PLEKHA7: variants seen among roughly 807,000 people sequenced by gnomAD.
PLEKHA7 encodes the protein pleckstrin homology domain containing A7, also known as pleckstrin homology domain-containing family A member 7.
PLEKHA7 carries 104 observed loss-of-function variants against 170.0 expected under a neutral mutation model. That is an observed-to-expected ratio of 0.61 (90% CI 0.52 to 0.72). PLEKHA7 has a LOEUF of 0.72. PLEKHA7 is among the 30% of genes least tolerant of loss of function. PLEKHA7 has a pLI of 0.00. For synonymous variants in PLEKHA7, 648 were observed against 660.8 expected (o/e 0.98, Z 0.30); for missense variants, 1,615 against 1,671.7 (o/e 0.97, Z 0.59).
In PLEKHA7 at chr11:16,851,237, G is replaced by C. The variant is rs148130656; in HGVS notation, c.650C>G (p.Ser217Cys). The C allele has an allele frequency of 1.9e-5, 30 of 1,611,944 alleles. No individual in the cohort carries two copies. The highest frequency in any genetic ancestry group is 1.6e-4 in the Middle Eastern group (1 of 6,084). ...TATGCGATCCTCAGGGGCCACAGGA[G>C]AGATCACGTAGCTGGGCAAGGGGAT... ...GSIPLPSYVISPVAPEDRISR... is the reference protein window; with the variant it reads ...GSIPLPSYVICPVAPEDRISR... The change falls in exon 8 of 27, where the codon TCT becomes TGT. Residue 217 changes from serine (S) to cysteine (C), a missense_variant. Ser to Cys is a moderately radical substitution (Grantham distance 112). Coordinates refer to ENST00000531066, the MANE Select transcript of PLEKHA7 (RefSeq NM_001329630.2).
chr11:16,852,266 G>A lies in PLEKHA7; in HGVS notation c.595+17C>T. 6.2e-7 allele frequency: 1 copy of A among 1,612,470 alleles called. No homozygotes were observed. Among genetic ancestry groups the A allele is most frequent in the East Asian group, 2.2e-5 (1 of 44,858 alleles). Reference sequence around the variant, plus strand: ...ACTGAACACTTCGGCAGGGTAATAGGCTACTTGTTAGCTCACCTTTATAGT... The same window carrying A: ...ACTGAACACTTCGGCAGGGTAATAGACTACTTGTTAGCTCACCTTTATAGT... On this transcript the variant is annotated intron_variant, in intron 7 of 26. Coordinates refer to ENST00000531066, the MANE Select transcript of PLEKHA7 (RefSeq NM_001329630.2).
At chr11:17,008,632 C>G (rs1441732309) in intron 3 of PLEKHA7, among the ~76,000 whole-genome samples, 3 of 152,204 alleles carry the variant, frequency 2.0e-5, no homozygotes, top group Non-Finnish European at 4.4e-5. Context: ...TCAAGAGATG[C>G]CAAGTGCCTA....
chr11:16,824,144 G>A (rs112108208), intron 10 of PLEKHA7, among the ~76,000 whole-genome samples: 2 of 152,216 alleles, frequency 1.3e-5, no homozygotes, highest in Admixed American at 1.3e-4. Flanking sequence ...GATGCTTAAT[G>A]GGTACAAAAA....
intron 3 of PLEKHA7, among the ~76,000 whole-genome samples, chr11:16,894,437 G>T (rs1856870180): frequency 6.6e-6 from 1 of 152,164 alleles, no homozygotes; most frequent in South Asian, 2.1e-4. Flanking sequence ...GTGCCCAAAT[G>T]GAATATCCCA....
At chr11:16,858,440 T>C (rs1292478508) in intron 4 of PLEKHA7, among the ~76,000 whole-genome samples, 3 of 152,032 alleles carry the variant, frequency 2.0e-5, no homozygotes, top group Non-Finnish European at 2.9e-5. Flanking sequence ...GGCCAGGAAA[T>C]CCAGGACAAA....
intron 13 of PLEKHA7, among the ~76,000 whole-genome samples, chr11:16,805,627 T>C (rs1431744204): frequency 6.6e-6 from 1 of 151,464 alleles, no homozygotes; most frequent in Admixed American, 6.6e-5. Context: ...CCATCTCTAC[T>C]AAAAATACAA....
At position 16,789,371 on chromosome 11, in the gene PLEKHA7, C is replaced by A; in HGVS notation, c.3157-75G>T. The stretch of plus-strand genomic sequence containing the variant: ...ACGCAGAGGACAGCCACCCTGCTGG[C>A]TGCATTCCCGTTGTCTCTCTCTCAC... On this transcript the variant is annotated intron_variant, in intron 22 of 26. Transcript: ENST00000531066. This position sits in a 1 kb window ranked among gnomAD's most constrained non-coding sequence, Gnocchi z 4.6. 1 of 1,411,222 alleles carries A rather than the reference C, an allele frequency of 7.1e-7. No individual in the cohort carries two copies. The allele number at this position is 1,411,222 out of a possible 1,614,324, so 87.4% of individuals were successfully genotyped here.
intron 3 of PLEKHA7, among the ~76,000 whole-genome samples, chr11:16,896,304 T>C (rs114895239): frequency 0.016 from 2,370 of 152,328 alleles, 61 homozygotes; most frequent in African/African-American, 0.054. Context: ...CTTGGAAGAA[T>C]GGCTGTGACA....
chr11:16,898,351 T>A (rs1184073704), intron 3 of PLEKHA7, among the ~76,000 whole-genome samples: 1 of 152,246 alleles, frequency 6.6e-6, no homozygotes, highest in African/African-American at 2.4e-5. Flanking sequence ...TATATTTTCA[T>A]AAAGTATTTT....
chr11:16,792,254 T>C (rs1297550118), intron 19 of PLEKHA7, among the ~76,000 whole-genome samples: 1 of 152,354 alleles, frequency 6.6e-6, no homozygotes, highest in South Asian at 2.1e-4. Flanking sequence ...TTGAATGGAA[T>C]GTCTGGAGGC....
At chr11:16,822,066 C>T (rs1380584996) in intron 10 of PLEKHA7, among the ~76,000 whole-genome samples, 1 of 152,128 alleles carries the variant, frequency 6.6e-6, no homozygotes, top group African/African-American at 2.4e-5. Flanking sequence ...CTGTTAACTT[C>T]TCATCCTTTA....
intron 3 of PLEKHA7, among the ~76,000 whole-genome samples, chr11:16,935,642 G>T (rs906294004): frequency 1.3e-5 from 2 of 152,202 alleles, no homozygotes; most frequent in African/African-American, 4.8e-5. Flanking sequence ...GGGGGCCAAA[G>T]ATAGAACTGA....
chr11:16,936,165 G>T (rs1043719160), intron 3 of PLEKHA7, among the ~76,000 whole-genome samples: 1 of 151,982 alleles, frequency 6.6e-6, no homozygotes, highest in Non-Finnish European at 1.5e-5. Flanking sequence ...ACCTTGGGAG[G>T]CCGAGGTGGG....
At chr11:16,932,777 T>A (rs1265428981) in intron 3 of PLEKHA7, among the ~76,000 whole-genome samples, 1 of 152,176 alleles carries the variant, frequency 6.6e-6, no homozygotes, top group East Asian at 1.9e-4. Flanking sequence ...ATGTATCAGG[T>A]AAGACCTCGC....
At chr11:16,940,259 A>G (rs951039294) in intron 3 of PLEKHA7, among the ~76,000 whole-genome samples, 1 of 149,206 alleles carries the variant, frequency 6.7e-6, no homozygotes, top group Non-Finnish European at 1.5e-5. Context: ...GAAGAGAAGT[A>G]TCTCAGATCT....
At chr11:16,874,775 G>A (rs527776151) in intron 3 of PLEKHA7, among the ~76,000 whole-genome samples, 51 of 152,262 alleles carry the variant, frequency 3.3e-4, no homozygotes, top group Non-Finnish European at 1.2e-4. Flanking sequence ...GCACTCAGTA[G>A]TCCCCAAACA....
At chr11:16,978,855 T>C (rs1470296415) in intron 3 of PLEKHA7, among the ~76,000 whole-genome samples, 3 of 152,172 alleles carry the variant, frequency 2.0e-5, no homozygotes, top group Non-Finnish European at 4.4e-5. Flanking sequence ...AGCATATACA[T>C]ATAAACACAC....
Position 16,919,964 on chromosome 11 carries a change from A to G in PLEKHA7, c.222-48782T>C, listed in dbSNP as rs1858968519. Reference sequence around the variant, plus strand: ...TACCAGCCGTTTTTCATAACAGAGGACACTTACTTTTGTAATGGGACAACC... The same window carrying G: ...TACCAGCCGTTTTTCATAACAGAGGGCACTTACTTTTGTAATGGGACAACC... On this transcript the variant is annotated intron_variant, in intron 3 of 26. Coordinates refer to ENST00000531066, the MANE Select transcript of PLEKHA7 (RefSeq NM_001329630.2). 3.3e-5 allele frequency among the ~76,000 whole-genome samples: 5 copies of G among 152,050 alleles called. No homozygotes were observed. In the South Asian group the frequency reaches 1.0e-3, roughly 31 times the overall value.
At chr11:16,906,470 G>A (rs1223074184) in intron 3 of PLEKHA7, among the ~76,000 whole-genome samples, 6 of 141,694 alleles carry the variant, frequency 4.2e-5, no homozygotes, top group South Asian at 2.3e-4. Context: ...GCAGGCACGC[G>A]CCGCCATGCC....
Sources: allele counts gnomAD v4.1 joint callset (sites outside exome capture counted in the v4.1 genomes callset), GRCh38; gene constraint gnomAD v4.1.1; non-coding constraint Gnocchi (gnomAD v3.1); transcripts MANE v1.5; gene names NCBI Gene and HGNC (gene_info 2026-07-23, HGNC 2026-07-21).